The following PCDH15 variants were observed in gnomAD, a reference collection of about 807,000 sequenced individuals.
PCDH15 encodes the protein protocadherin-15.
In PCDH15, 129 loss-of-function variants were observed where a neutral mutation model predicts 178.5. The observed-to-expected ratio is 0.72, with a 90% CI of 0.63 to 0.84. The LOEUF is 0.84. PCDH15 is among the 40% of genes least tolerant of loss of function. The pLI is 0.00. For synonymous variants in PCDH15, 800 were observed against 732.0 expected (o/e 1.09, Z -1.50); for missense variants, 2,230 against 2,099.9 (o/e 1.06, Z -1.21).
At chr10:54,041,565 A>C (rs961155383) in intron 18 of PCDH15, among the ~76,000 whole-genome samples, 4 of 152,134 alleles carry the variant, frequency 2.6e-5, no homozygotes, top group Non-Finnish European at 5.9e-5. Flanking sequence ...GCATAATAAG[A>C]GCATACAGCA....
chr10:55,130,652 T>C (rs1838015554), intron 2 of PCDH15, among the ~76,000 whole-genome samples: 1 of 150,738 alleles, frequency 6.6e-6, no homozygotes. Flanking sequence ...TTTAAACCTA[T>C]GGCTTAACAT....
chr10:54,915,397 G>C (rs1462531232), intron 2 of PCDH15, among the ~76,000 whole-genome samples: 1 of 152,144 alleles, frequency 6.6e-6, no homozygotes, highest in African/African-American at 2.4e-5. Flanking sequence ...TGGAATATAG[G>C]AGTCCATGAG....
intron 3 of PCDH15, among the ~76,000 whole-genome samples, chr10:54,405,159 C>A (rs1431067883): frequency 1.3e-5 from 2 of 151,918 alleles, no homozygotes; most frequent in African/African-American, 4.8e-5. Flanking sequence ...TGAGTTTATA[C>A]CTGAGGGAAT....
At chr10:55,174,311 T>C (rs968428544) in intron 1 of PCDH15, among the ~76,000 whole-genome samples, 1 of 152,116 alleles carries the variant, frequency 6.6e-6, no homozygotes, top group Non-Finnish European at 1.5e-5. Context: ...AAGGACAATT[T>C]AAAGCCTGAA....
intron 2 of PCDH15, among the ~76,000 whole-genome samples, chr10:54,912,728 T>C (rs374590188): frequency 2.0e-3 from 302 of 152,190 alleles, no homozygotes; most frequent in Middle Eastern, 3.4e-3. Flanking sequence ...ATGGGCAAGG[T>C]TGAAACAGTT....
chr10:53,821,588 T>TA (rs886047056), intron 32 of PCDH15: 1 of 1,170,538 alleles, frequency 8.5e-7, no homozygotes, highest in African/African-American at 1.6e-5. Flanking sequence ...ATATTCCCAC[T>TA]AAAAAAGAGA....
At chr10:55,352,871 G>C (rs555741289) in intron 2 of PCDH15, among the ~76,000 whole-genome samples, 1 of 152,190 alleles carries the variant, frequency 6.6e-6, no homozygotes, top group South Asian at 2.1e-4. Context: ...GTCTGCTGCT[G>C]GTCTGATCCA....
chr10:54,785,706 A>G (rs1004176281), intron 1 of PCDH15, among the ~76,000 whole-genome samples: 19 of 152,158 alleles, frequency 1.2e-4, no homozygotes, highest in African/African-American at 4.6e-4. Flanking sequence ...ACAAGGGGGA[A>G]AAAAGCATGT....
chr10:55,032,456 T>A (rs1440528950), intron 2 of PCDH15, among the ~76,000 whole-genome samples: 1 of 152,206 alleles, frequency 6.6e-6, no homozygotes, highest in Non-Finnish European at 1.5e-5. Context: ...ACACCTAGTG[T>A]TCCATTATTG....
intron 3 of PCDH15, among the ~76,000 whole-genome samples, chr10:54,389,430 T>C (rs1400846121): frequency 6.6e-6 from 1 of 152,166 alleles, no homozygotes; most frequent in African/African-American, 2.4e-5. Context: ...ATTTAGTAGA[T>C]ATAGAGTAGG....
chr10:55,129,390 C>T (rs1162684305), intron 2 of PCDH15, among the ~76,000 whole-genome samples: 1 of 152,092 alleles, frequency 6.6e-6, no homozygotes, highest in Non-Finnish European at 1.5e-5. Context: ...GGGCTGAGAA[C>T]TTTCTATGGC....
At chr10:54,922,434 A>C (rs2131845181) in intron 2 of PCDH15, among the ~76,000 whole-genome samples, 1 of 152,258 alleles carries the variant, frequency 6.6e-6, no homozygotes, top group Non-Finnish European at 1.5e-5. Flanking sequence ...GCAGTCATTA[A>C]ATCTCAAAGC....
chr10:54,652,629 G>GT (rs572269334), intron 2 of PCDH15, among the ~76,000 whole-genome samples: 1 of 152,148 alleles, frequency 6.6e-6, no homozygotes, highest in Non-Finnish European at 1.5e-5. Context: ...GGTGAAACCT[G>GT]TAAGAAGATA....
intron 2 of PCDH15, among the ~76,000 whole-genome samples, chr10:54,969,704 G>A (rs745904206): frequency 3.9e-5 from 6 of 152,136 alleles, no homozygotes; most frequent in Admixed American, 1.3e-4. Context: ...GATTACCTCT[G>A]AAAAGTAGCT....
At chr10:54,713,994 G>A (rs10825383) in intron 1 of PCDH15, among the ~76,000 whole-genome samples, 92,349 of 151,964 alleles carry the variant, frequency 0.61, 29,032 homozygotes, top group Middle Eastern at 0.73. Context: ...CAGAATCAAG[G>A]CTTTGAAGTT....
chr10:54,635,297 G>A (rs1264684790), intron 2 of PCDH15, among the ~76,000 whole-genome samples: 4 of 151,528 alleles, frequency 2.6e-5, no homozygotes, highest in Non-Finnish European at 4.4e-5. Flanking sequence ...ATTTAGCTGA[G>A]ATTTGCTTCA....
chr10:54,202,812 C>CAAAAA (rs36086266), intron 10 of PCDH15, among the ~76,000 whole-genome samples: 1 of 106,190 alleles, frequency 9.4e-6, no homozygotes, highest in African/African-American at 4.0e-5. Context: ...AACCCCACCT[C>CAAAAA]AAAAAAAAAA....
intron 14 of PCDH15, among the ~76,000 whole-genome samples, chr10:54,136,637 G>A (rs751491151): frequency 1.3e-5 from 2 of 151,956 alleles, no homozygotes; most frequent in Non-Finnish European, 2.9e-5. Context: ...CATTGTAGAG[G>A]GTTAAAGTGA....
intron 24 of PCDH15, among the ~76,000 whole-genome samples, chr10:53,939,538 C>T (rs1168871226): frequency 1.3e-5 from 2 of 152,032 alleles, no homozygotes; most frequent in Non-Finnish European, 2.9e-5. Context: ...ATCTCCCCCT[C>T]TTATGCTCTC....
Sources: allele counts gnomAD v4.1 joint callset (sites outside exome capture counted in the v4.1 genomes callset), GRCh38; gene constraint gnomAD v4.1.1; transcripts MANE v1.5; gene names NCBI Gene and HGNC (gene_info 2026-07-23, HGNC 2026-07-21).